Variants in CRB1 observed in about 807,000 individuals in gnomAD.
CRB1 encodes the protein crumbs cell polarity complex component 1, also known as protein crumbs homolog 1.
CRB1 carries 83 observed loss-of-function variants against 120.0 expected under a neutral mutation model. The observed-to-expected ratio is 0.69, with a 90% CI of 0.58 to 0.83. The LOEUF (loss-of-function observed/expected upper bound fraction) is 0.83. CRB1 is among the 40% of genes least tolerant of loss of function. The pLI, the probability that CRB1 is intolerant of heterozygous loss-of-function variation, is 0.00. For missense variants in CRB1, 1,699 were observed against 1,687.6 expected (o/e 1.01, Z -0.12); for synonymous variants, 625 against 612.5 (o/e 1.02, Z -0.30).
chr1:197,428,382 C>G (rs1178990111), intron 7 of CRB1, among the ~76,000 whole-genome samples: 1 of 152,208 alleles, frequency 6.6e-6, no homozygotes, highest in Non-Finnish European at 1.5e-5. Context: ...AAATGCCCAA[C>G]TACTATTGTT....
chr1:197,217,338 G>A, the CRB1 span, among the ~76,000 whole-genome samples: 2,151 of 152,224 alleles, frequency 0.014, 51 homozygotes, highest in African/African-American at 0.046. Context: ...GCCTAAGAGA[G>A]TTGAAAGCAC....
chr1:197,267,804 C>T (rs1407214288), upstream of CRB1, among the ~76,000 whole-genome samples: 1 of 152,094 alleles, frequency 6.6e-6, no homozygotes, highest in African/African-American at 2.4e-5. Flanking sequence ...GGACTTACGA[C>T]AAAATCTGCC....
At chr1:197,426,023 T>G (rs967025413) in intron 6 of CRB1, among the ~76,000 whole-genome samples, 3 of 151,626 alleles carry the variant, frequency 2.0e-5, no homozygotes, top group Non-Finnish European at 4.4e-5. Flanking sequence ...TAGTCACTTC[T>G]GCTTGGATAT....
intron 1 of CRB1, among the ~76,000 whole-genome samples, chr1:197,280,812 T>C (rs1023318655): frequency 6.6e-6 from 1 of 151,936 alleles, no homozygotes; most frequent in African/African-American, 2.4e-5. Flanking sequence ...CTCATATTTA[T>C]GAAGACTCAA....
intron 5 of CRB1, among the ~76,000 whole-genome samples, chr1:197,370,509 CA>C (rs757971264): frequency 3.3e-5 from 5 of 152,058 alleles, no homozygotes; most frequent in African/African-American, 1.2e-4. Context: ...AAAACAAAAT[CA>C]ACTCCAAAAG....
At chr1:197,316,311 A>G (rs1351232287) in intron 1 of CRB1, among the ~76,000 whole-genome samples, 1 of 152,052 alleles carries the variant, frequency 6.6e-6, no homozygotes, top group Non-Finnish European at 1.5e-5. Context: ...CAGCCTCCTA[A>G]GTAGCTGGGA....
intron 2 of CRB1, among the ~76,000 whole-genome samples, chr1:197,342,835 T>C (rs908086636): frequency 6.6e-6 from 1 of 152,182 alleles, no homozygotes; most frequent in Non-Finnish European, 1.5e-5. Flanking sequence ...TCGTTGTTAG[T>C]AGTGATAGAG....
At chr1:197,315,739 G>T (rs1657798877) in intron 1 of CRB1, among the ~76,000 whole-genome samples, 1 of 152,180 alleles carries the variant, frequency 6.6e-6, no homozygotes, top group African/African-American at 2.4e-5. Context: ...GAGTTGAGTT[G>T]TTCAGTTTAT....
the CRB1 span, among the ~76,000 whole-genome samples, chr1:197,203,371 G>A: frequency 1.8e-3 from 277 of 152,186 alleles, no homozygotes; most frequent in Middle Eastern, 3.4e-3. Context: ...CCAGGCTGGA[G>A]TGCAGTGGTG....
At chr1:197,245,067 C>CT in the CRB1 span, among the ~76,000 whole-genome samples, 537 of 150,994 alleles carry the variant, frequency 3.6e-3, 2 homozygotes, top group Non-Finnish European at 5.2e-3. Flanking sequence ...CTTTCTATTT[C>CT]TTTTTTTTTG....
At chr1:197,259,228 C>T in the CRB1 span, among the ~76,000 whole-genome samples, 1,021 of 152,258 alleles carry the variant, frequency 6.7e-3, 8 homozygotes, top group African/African-American at 0.023. Context: ...TACATGCATA[C>T]GTATGTTTAT....
At chr1:197,264,613 C>CTTTTTTT (rs750805262), upstream of CRB1, among the ~76,000 whole-genome samples, 10 of 131,060 alleles carry the variant, frequency 7.6e-5, no homozygotes, top group African/African-American at 1.1e-4. Context: ...GTGCATTCTT[C>CTTTTTTT]TTTTTTTTTT....
intron 1 of CRB1, among the ~76,000 whole-genome samples, chr1:197,314,063 T>G (rs1226624762): frequency 1.3e-5 from 2 of 152,198 alleles, no homozygotes; most frequent in East Asian, 3.8e-4. Context: ...ATCGACATCT[T>G]CCACCAAATT....
intron 11 of CRB1, among the ~76,000 whole-genome samples, chr1:197,475,210 C>G (rs368565837): frequency 2.0e-5 from 3 of 152,126 alleles, no homozygotes; most frequent in African/African-American, 4.8e-5. Context: ...GTACTATATT[C>G]TTGAATGTCT....
chr1:197,477,452 T>C (rs1318110437), intron 11 of CRB1: 2 of 662,464 alleles, frequency 3.0e-6, no homozygotes, highest in Non-Finnish European at 5.6e-6. Flanking sequence ...CCATATTTTC[T>C]GACTGTAGAC....
At chr1:197,477,001 C>T (rs1667225667) in intron 11 of CRB1, among the ~76,000 whole-genome samples, 1 of 152,154 alleles carries the variant, frequency 6.6e-6, no homozygotes, top group Admixed American at 6.5e-5. Flanking sequence ...ACTTTGAGAG[C>T]CCAGGATCCA....
the CRB1 span, among the ~76,000 whole-genome samples, chr1:197,236,750 G>A: frequency 6.6e-6 from 1 of 152,058 alleles, no homozygotes; most frequent in Non-Finnish European, 1.5e-5. Context: ...TTTTTTCAAA[G>A]GGTTTTTCTG....
intron 10 of CRB1, chr1:197,440,048 A>C (rs1280845740): frequency 6.6e-6 from 1 of 152,188 alleles, no homozygotes; most frequent in Non-Finnish European, 1.5e-5. Flanking sequence ...CTGTTGCACC[A>C]ATTTTGGTTC....
intron 7 of CRB1, 69 bp downstream of exon 7, chr1:197,428,070 T>G (rs1057185373): frequency 7.2e-7 from 1 of 1,379,652 alleles, no homozygotes; most frequent in African/African-American, 1.4e-5. Flanking sequence ...AAAGATAACT[T>G]ATTAAAACCA....
Sources: allele counts gnomAD v4.1 joint callset (sites outside exome capture counted in the v4.1 genomes callset), GRCh38; gene constraint gnomAD v4.1.1; transcripts MANE v1.5; gene names NCBI Gene and HGNC (gene_info 2026-07-23, HGNC 2026-07-21).